The following PPFIA2 variants were observed in gnomAD, a reference collection of about 807,000 sequenced individuals.
PPFIA2 encodes liprin-alpha-2.
PPFIA2 carries 46 observed loss-of-function variants against 175.5 expected under a neutral mutation model. The observed-to-expected ratio is 0.26, with a 90% CI of 0.21 to 0.34. The LOEUF (loss-of-function observed/expected upper bound fraction) is 0.34. PPFIA2 is among the 10% of genes least tolerant of loss of function. The probability of loss-of-function intolerance (pLI) is 1.00; values close to 1 mark genes in which losing one functional copy is unlikely to be tolerated. For synonymous variants in PPFIA2, 568 were observed against 511.4 expected, an observed-to-expected ratio of 1.11 and a Z score of -1.49; for missense variants, 1,179 against 1,506.1, an observed-to-expected ratio of 0.78 and a Z score of 3.60.
In PPFIA2 at chr12:81,337,628, A is replaced by C. The variant is rs1255463761; in HGVS notation, c.2548+1552T>G. Among the ~76,000 whole-genome samples the C allele has an allele frequency of 3.3e-5, 5 of 152,174 alleles. No homozygotes were observed. The East Asian group carries it at 9.6e-4, about 29-fold the overall frequency. Reference sequence around the variant, plus strand: ...AAGTTAAATATGAAATAAAAATATAAAATTTTAAGTGATAAGGGCAATTAA... The same window carrying C: ...AAGTTAAATATGAAATAAAAATATACAATTTTAAGTGATAAGGGCAATTAA... On this transcript the variant is annotated intron_variant, in intron 21 of 32. Transcript: ENST00000549396.
At chr12:81,518,624 C>T (rs2062748373) in intron 4 of PPFIA2, among the ~76,000 whole-genome samples, 1 of 151,988 alleles carries the variant, frequency 6.6e-6, no homozygotes, top group African/African-American at 2.4e-5. Context: ...TTCTTACTGA[C>T]ACCTTCACCT....
intron 28 of PPFIA2, among the ~76,000 whole-genome samples, chr12:81,277,100 C>T (rs906382003): frequency 6.6e-6 from 1 of 151,928 alleles, no homozygotes; most frequent in African/African-American, 2.4e-5. Context: ...TTCAAAAACT[C>T]AAGATTACTC....
chr12:81,340,247 A>G (rs1174758748), intron 20 of PPFIA2, among the ~76,000 whole-genome samples: 1 of 152,114 alleles, frequency 6.6e-6, no homozygotes, highest in Non-Finnish European at 1.5e-5. Flanking sequence ...ATAGTTGGAA[A>G]AAAGAAATGA....
chr12:81,726,012 T>C (rs2153634607), intron 3 of PPFIA2, among the ~76,000 whole-genome samples: 1 of 151,182 alleles, frequency 6.6e-6, no homozygotes, highest in African/African-American at 2.4e-5. Flanking sequence ...TCCTCTCTCA[T>C]ATTCACTTTC....
chr12:81,736,338 T>C (rs2081572529), intron 3 of PPFIA2, among the ~76,000 whole-genome samples: 1 of 152,008 alleles, frequency 6.6e-6, no homozygotes, highest in African/African-American at 2.4e-5. Context: ...TTAACTTCAT[T>C]TTTGATCATT....
Position 81,278,508 on chromosome 12 carries a change from C to G in PPFIA2, c.3213-1094G>C, listed in dbSNP as rs576518573. 1.3e-4 allele frequency among the ~76,000 whole-genome samples: 19 copies of G among 149,172 alleles called. No individual in the cohort carries two copies. The Admixed American group carries it at 1.3e-3, about 10-fold the overall frequency. Reference sequence around the variant, plus strand: ...GTAGCCCAGATCGTGCCACCGCACTCCACCCTGGGCAACAGAGTGAGACTC... The same window carrying G: ...GTAGCCCAGATCGTGCCACCGCACTGCACCCTGGGCAACAGAGTGAGACTC... On this transcript the variant is annotated intron_variant, in intron 27 of 32. Coordinates refer to ENST00000549396, the MANE Select transcript of PPFIA2 (RefSeq NM_003625.5).
chr12:81,442,413 C>T (rs1343511618), intron 6 of PPFIA2, among the ~76,000 whole-genome samples: 1 of 151,884 alleles, frequency 6.6e-6, no homozygotes, highest in Non-Finnish European at 1.5e-5. Flanking sequence ...AGACCAGAAG[C>T]TCTAATTCAT....
At chr12:81,539,025 G>A (rs971368550) in intron 4 of PPFIA2, among the ~76,000 whole-genome samples, 1 of 151,928 alleles carries the variant, frequency 6.6e-6, no homozygotes, top group Non-Finnish European at 1.5e-5. Flanking sequence ...AATAGAGGTG[G>A]CGAAATGTGG....
At chr12:81,702,750 C>A (rs535181965) in intron 3 of PPFIA2, among the ~76,000 whole-genome samples, 2 of 152,134 alleles carry the variant, frequency 1.3e-5, no homozygotes, top group African/African-American at 2.4e-5. Context: ...AATCCCAATG[C>A]GATCATATTA....
chr12:81,748,369 T>C (rs2083318167), intron 3 of PPFIA2, among the ~76,000 whole-genome samples: 1 of 144,664 alleles, frequency 6.9e-6, no homozygotes, highest in African/African-American at 2.4e-5. Flanking sequence ...CTTTGCCATT[T>C]AATTCTGTTC....
intron 3 of PPFIA2, among the ~76,000 whole-genome samples, chr12:81,715,051 A>T (rs1013821330): frequency 4.6e-5 from 7 of 151,022 alleles, no homozygotes; most frequent in Non-Finnish European, 7.4e-5. Context: ...ATTCTTCTTC[A>T]TATTAAACTG....
At chr12:81,745,165 AG>A (rs1382398023) in intron 3 of PPFIA2, among the ~76,000 whole-genome samples, 1 of 152,240 alleles carries the variant, frequency 6.6e-6, no homozygotes, top group Non-Finnish European at 1.5e-5. Flanking sequence ...ATAATGAAAA[AG>A]TCTAGTCTAG....
chr12:81,391,595 G>C (rs573910322), intron 8 of PPFIA2, among the ~76,000 whole-genome samples: 1 of 152,036 alleles, frequency 6.6e-6, no homozygotes, highest in South Asian at 2.1e-4. Context: ...ATCTGTAATG[G>C]ATAATTTTTG....
chr12:81,550,261 G>A (rs148111652), intron 4 of PPFIA2, among the ~76,000 whole-genome samples: 1,594 of 152,018 alleles, frequency 0.01, 30 homozygotes, highest in African/African-American at 0.033. Context: ...GGGGATTAGA[G>A]GTCTAGGGGC....
chr12:81,728,305 C>T (rs2080371341), intron 3 of PPFIA2, among the ~76,000 whole-genome samples: 1 of 151,318 alleles, frequency 6.6e-6, no homozygotes, highest in African/African-American at 2.4e-5. Context: ...ATAGTCATGA[C>T]TTTCAATCAC....
At chr12:81,341,288 C>T in intron 19 of PPFIA2, 80 bp from the exon 20 acceptor site, 2 of 1,397,648 alleles carry the variant, frequency 1.4e-6, no homozygotes, top group East Asian at 2.4e-5. Flanking sequence ...ATCATGAGAA[C>T]AAGGCTGTCG....
chr12:81,303,636 T>G (rs1250128003), intron 22 of PPFIA2, among the ~76,000 whole-genome samples: 2 of 152,254 alleles, frequency 1.3e-5, no homozygotes, highest in East Asian at 3.9e-4. Flanking sequence ...AAGTGATATT[T>G]TAGGAGGCCC....
At position 81,432,188 on chromosome 12, in the gene PPFIA2, A is replaced by G. The variant is rs371069042; in HGVS notation, c.645+7784T>C. On this transcript the variant is annotated intron_variant, in intron 7 of 32. Coordinates refer to ENST00000549396, the MANE Select transcript of PPFIA2 (RefSeq NM_003625.5). ...AGTACATTCACATTGTTAATCAGCC[A>G]TTACCATCATCTGTCTTCCGAACTT... Among the ~76,000 whole-genome samples, 28 of 152,286 alleles carry G rather than the reference A, an allele frequency of 1.8e-4. No homozygotes were observed. In the East Asian group the frequency reaches 4.4e-3, roughly 24 times the overall value.
intron 3 of PPFIA2, among the ~76,000 whole-genome samples, chr12:81,709,133 C>T (rs11114987): frequency 0.025 from 3,801 of 152,152 alleles, 75 homozygotes; most frequent in Non-Finnish European, 0.042. Context: ...TCACATAGGG[C>T]TTCTTTCTGC....
Sources: gnomAD v4.1 joint callset for allele counts (sites outside exome capture counted in the v4.1 genomes callset) on GRCh38, gnomAD v4.1.1 for gene constraint, MANE v1.5 for transcripts, NCBI Gene and HGNC (gene_info 2026-07-23, HGNC 2026-07-21) for gene names.